Variants in WNT3 observed in about 807,000 individuals in gnomAD.
WNT3 encodes proto-oncogene Wnt-3.
In WNT3, 7 loss-of-function variants were observed where a neutral mutation model predicts 34.2. The ratio of observed to expected loss-of-function variants is 0.20; its 90% confidence interval spans 0.12 to 0.38. The LOEUF (loss-of-function observed/expected upper bound fraction) is 0.38, where lower values mean the gene tolerates loss of function less well. Among genes scored for constraint, WNT3 ranks in the 10% least tolerant of loss-of-function variants. The probability of loss-of-function intolerance (pLI) is 1.00; values close to 1 mark genes in which losing one functional copy is unlikely to be tolerated. For missense variants in WNT3, 267 were observed against 499.8 expected (o/e 0.53, Z 4.44); for synonymous variants, 212 against 211.5 (o/e 1.00, Z -0.02).
chr17:46,777,145 GGTT>G (rs2059419081), intron 1 of WNT3, among the ~76,000 whole-genome samples: 1 of 152,224 alleles, frequency 6.6e-6, no homozygotes, highest in African/African-American at 2.4e-5. Flanking sequence ...GGGAGGTGGA[GGTT>G]GTTGTGAGCC....
At chr17:46,806,958 T>A (rs1208923909) in intron 1 of WNT3, among the ~76,000 whole-genome samples, 1 of 151,998 alleles carries the variant, frequency 6.6e-6, no homozygotes, top group Non-Finnish European at 1.5e-5. Context: ...TGTGGAATGG[T>A]GGCAATAGCA....
At chr17:46,783,732 G>A (rs1402473472) in intron 1 of WNT3, among the ~76,000 whole-genome samples, 1 of 152,216 alleles carries the variant, frequency 6.6e-6, no homozygotes, top group Admixed American at 6.5e-5. Flanking sequence ...GGAGAAGGAT[G>A]GCTAGGGGCC....
rs2059350796 is a variant in WNT3 at position 46,770,140 on chromosome 17, G to T, written c.323-92C>A. 1.4e-4 allele frequency: 201 copies of T among 1,442,278 alleles called. 4 individuals are homozygous for T. In the South Asian group the frequency reaches 2.7e-3, roughly 20 times the overall value. 89.3% of individuals were successfully genotyped at this position (1,442,278 alleles called of 1,614,324 possible). A position where few individuals can be genotyped will look rare whatever the true frequency, so the allele number is the denominator to read the frequency against. On this transcript the variant is annotated intron_variant, in intron 2 of 4. Coordinates refer to ENST00000225512, the MANE Select transcript of WNT3 (RefSeq NM_030753.5). ...TCCCAGGCCAGGACGTGAGGGGAAC[G>T]AGGCCAGGAAGAGTTGAAGAGCTCA...
chr17:46,772,302 G>A (rs1045106033), intron 2 of WNT3, among the ~76,000 whole-genome samples: 1 of 152,270 alleles, frequency 6.6e-6, no homozygotes, highest in Non-Finnish European at 1.5e-5. Flanking sequence ...AGGGACCGGG[G>A]CGTGTGCCAG....
At chr17:46,795,645 G>A (rs563656583) in intron 1 of WNT3, among the ~76,000 whole-genome samples, 28 of 152,346 alleles carry the variant, frequency 1.8e-4, no homozygotes, top group Admixed American at 3.3e-4. Context: ...GCAAGGGGCA[G>A]TGGGTGACGA....
At chr17:46,788,612 G>A (rs556579887) in intron 1 of WNT3, among the ~76,000 whole-genome samples, 2 of 152,270 alleles carry the variant, frequency 1.3e-5, no homozygotes, top group East Asian at 3.9e-4. Flanking sequence ...TCCGTCACAG[G>A]TAACCTTCAA....
chr17:46,775,321 C>G (rs546626978), intron 1 of WNT3, among the ~76,000 whole-genome samples: 1 of 152,316 alleles, frequency 6.6e-6, no homozygotes, highest in South Asian at 2.1e-4. Flanking sequence ...TGCCTTCCCC[C>G]GGGTCCCTCC....
intron 1 of WNT3, among the ~76,000 whole-genome samples, chr17:46,777,495 G>A (rs564894184): frequency 2.0e-5 from 3 of 152,258 alleles, no homozygotes; most frequent in Non-Finnish European, 4.4e-5. Flanking sequence ...TCAAAGGTCG[G>A]AGTGCTTCCC....
intron 1 of WNT3, among the ~76,000 whole-genome samples, chr17:46,775,531 G>A (rs1379367405): frequency 1.3e-5 from 2 of 151,958 alleles, no homozygotes; most frequent in African/African-American, 2.4e-5. Context: ...TGGGAGTTTG[G>A]ATGGTAACAT....
chr17:46,805,905 G>C (rs2084188105), intron 1 of WNT3, among the ~76,000 whole-genome samples: 1 of 152,236 alleles, frequency 6.6e-6, no homozygotes, highest in African/African-American at 2.4e-5. Flanking sequence ...CAGGCAGTTT[G>C]TCTCTTGTTT....
intron 1 of WNT3, among the ~76,000 whole-genome samples, chr17:46,812,760 G>A (rs1302580064): frequency 6.6e-6 from 1 of 152,214 alleles, no homozygotes; most frequent in African/African-American, 2.4e-5. Context: ...AAATCTGGGA[G>A]GGCTTCTTGG....
chr17:46,769,951 G>A lies in WNT3; in HGVS notation c.420C>T (p.Gly140=), dbSNP rs2059348827. The A allele has an allele frequency of 3.7e-6, 6 of 1,613,126 alleles. No individual in the cohort carries two copies. In the East Asian group the frequency reaches 1.3e-4, roughly 36 times the overall value. ...SCAEGTSTIC[G]CDSHHKGPPG... ...GCGGCCCCTTATGATGCGAGTCACA[G>A]CCGCAAATGGTGGAGGTGCCCTCGG... Residue 140 remains glycine, a synonymous_variant, in exon 3 of 5, where the codon GGC becomes GGT. Transcript: ENST00000225512.
At chr17:46,792,966 G>C (rs2084005758) in intron 1 of WNT3, among the ~76,000 whole-genome samples, 1 of 151,916 alleles carries the variant, frequency 6.6e-6, no homozygotes, top group Non-Finnish European at 1.5e-5. Flanking sequence ...CACTGAGATG[G>C]CAAAAAAAGC....
At chr17:46,784,930 C>T (rs1304642322) in intron 1 of WNT3, among the ~76,000 whole-genome samples, 5 of 152,124 alleles carry the variant, frequency 3.3e-5, no homozygotes, top group Non-Finnish European at 4.4e-5. Flanking sequence ...CACCCGCCAC[C>T]ATGCCCGGCT....
intron 1 of WNT3, among the ~76,000 whole-genome samples, chr17:46,814,612 C>T (rs1435279169): frequency 6.6e-6 from 1 of 152,178 alleles, no homozygotes; most frequent in African/African-American, 2.4e-5. Context: ...GTGGGATCAA[C>T]AGCCTCCAGC....
intron 1 of WNT3, among the ~76,000 whole-genome samples, chr17:46,802,765 T>G (rs1283132423): frequency 6.6e-6 from 1 of 152,104 alleles, no homozygotes; most frequent in Non-Finnish European, 1.5e-5. Context: ...TCCTGGAAGG[T>G]GGTGTGCCTG....
chr17:46,799,614 C>T (rs1434369352), intron 1 of WNT3, among the ~76,000 whole-genome samples: 3 of 151,738 alleles, frequency 2.0e-5, no homozygotes, highest in Non-Finnish European at 2.9e-5. Context: ...TGCCTGGCTA[C>T]TTTTTGTATT....
At chr17:46,799,039 T>C (rs1598786955) in intron 1 of WNT3, among the ~76,000 whole-genome samples, 3 of 112,930 alleles carry the variant, frequency 2.7e-5, no homozygotes, top group Admixed American at 1.0e-4. Flanking sequence ...AGAGCAAGAC[T>C]CCGTCTCAAA....
chr17:46,802,535 T>C (rs1407450352), intron 1 of WNT3, among the ~76,000 whole-genome samples: 1 of 152,212 alleles, frequency 6.6e-6, no homozygotes, highest in Non-Finnish European at 1.5e-5. Flanking sequence ...CCCAAAGTGC[T>C]GGGATTACAG....
Sources: allele counts gnomAD v4.1 joint callset (sites outside exome capture counted in the v4.1 genomes callset), GRCh38; gene constraint gnomAD v4.1.1; transcripts MANE v1.5; gene names NCBI Gene and HGNC (gene_info 2026-07-23, HGNC 2026-07-21).